COL15A1: variants seen among roughly 807,000 people sequenced by gnomAD.
The protein encoded by COL15A1 is collagen type XV alpha 1 chain.
In COL15A1, 111 loss-of-function variants were observed where a neutral mutation model predicts 165.9. The observed-to-expected ratio is 0.67, with a 90% CI of 0.57 to 0.78. The LOEUF is 0.78. Ranked by LOEUF, COL15A1 falls within the 30% of genes least tolerant of loss-of-function variation. The pLI is 0.00. For missense variants in COL15A1, 1,745 were observed against 1,789.7 expected, an observed-to-expected ratio of 0.98 and a Z score of 0.45; for synonymous variants, 659 against 674.8, an observed-to-expected ratio of 0.98 and a Z score of 0.36.
chr9:98,974,700 G>A lies in COL15A1; in HGVS notation c.101-10865G>A, dbSNP rs574647456. Among the ~76,000 whole-genome samples the A allele has an allele frequency of 2.6e-5, 4 of 152,280 alleles. No individual in the cohort carries two copies. In the East Asian group the frequency reaches 7.7e-4, roughly 29 times the overall value. The stretch of plus-strand genomic sequence containing the variant: ...CCTCATCCTACTGGTCCAGCCCCAG[G>A]CCACAGGCAGTATAGGGTCATCTGG... On this transcript the variant is annotated intron_variant, in intron 2 of 41. Transcript: ENST00000375001.
At chr9:99,017,466 T>C (rs1370600329) in intron 11 of COL15A1, among the ~76,000 whole-genome samples, 2 of 152,190 alleles carry the variant, frequency 1.3e-5, no homozygotes, top group South Asian at 4.1e-4. Flanking sequence ...TGACTTGTTG[T>C]AGGCCCTGGG....
At position 98,985,692 on chromosome 9, in the gene COL15A1, C is replaced by T. The variant is rs767388264; in HGVS notation, c.228C>T (p.Gly76=). 6.2e-7 allele frequency: 1 copy of T among 1,614,216 alleles called. No individual in the cohort carries two copies. Among genetic ancestry groups the T allele is most frequent in the South Asian group, 1.1e-5 (1 of 91,078 alleles). Residue 76 remains glycine (G), a synonymous_variant, in exon 3 of 42, where the codon GGC becomes GGT. Coordinates refer to ENST00000375001, the MANE Select transcript of COL15A1 (RefSeq NM_001855.5). ...AYSFGPGANV[G]RPARTLIPST... is the part of the protein sequence containing the mutation. ...GTTTCGGGCCTGGTGCCAATGTTGG[C>T]CGCCCAGCCAGGACTCTCATCCCAT...
chr9:98,960,194 G>C (rs999944762), intron 2 of COL15A1, among the ~76,000 whole-genome samples: 1 of 152,026 alleles, frequency 6.6e-6, no homozygotes, highest in South Asian at 2.1e-4. Context: ...GATTGCTTGA[G>C]GCCAGGAGTT....
intron 30 of COL15A1, among the ~76,000 whole-genome samples, chr9:99,050,701 T>TG (rs1839573830): frequency 6.6e-6 from 1 of 152,254 alleles, no homozygotes; most frequent in Non-Finnish European, 1.5e-5. Flanking sequence ...TGCCAGGCCC[T>TG]GGGGACACAA....
At chr9:99,037,988 C>G (rs1839333079) in intron 21 of COL15A1, among the ~76,000 whole-genome samples, 1 of 151,916 alleles carries the variant, frequency 6.6e-6, no homozygotes, top group African/African-American at 2.4e-5. Flanking sequence ...AGATCGCATG[C>G]ATTTAATATT....
At chr9:98,967,816 A>T (rs964236021) in intron 2 of COL15A1, among the ~76,000 whole-genome samples, 2 of 152,204 alleles carry the variant, frequency 1.3e-5, no homozygotes, top group Admixed American at 6.5e-5. Context: ...TTCAGGTAGT[A>T]GGATGCCATC....
intron 36 of COL15A1, 83 bp downstream of exon 36, chr9:99,060,036 AC>A: frequency 6.7e-7 from 1 of 1,482,958 alleles, no homozygotes; most frequent in South Asian, 1.2e-5. Flanking sequence ...CCTGTGTCTG[AC>A]ATCCCTTGGG....
intron 22 of COL15A1, 31 bp from the exon 23 acceptor site, chr9:99,040,490 T>A (rs751849184): frequency 1.2e-5 from 20 of 1,614,128 alleles, no homozygotes; most frequent in Admixed American, 1.7e-5. Flanking sequence ...CCGCTCCTAA[T>A]CCAGCGTGCT....
chr9:99,005,690 G>A (rs1042739436), intron 9 of COL15A1, among the ~76,000 whole-genome samples: 1 of 152,130 alleles, frequency 6.6e-6, no homozygotes, highest in African/African-American at 2.4e-5. Context: ...ATCCCATCAA[G>A]CATCAAGTCT....
chr9:98,973,265 A>G (rs1448640973), intron 2 of COL15A1, among the ~76,000 whole-genome samples: 1 of 152,156 alleles, frequency 6.6e-6, no homozygotes, highest in Non-Finnish European at 1.5e-5. Flanking sequence ...GGAGAGAGAG[A>G]GAGAGAGGGA....
At chr9:99,002,054 A>G (rs1838665246) in intron 7 of COL15A1, among the ~76,000 whole-genome samples, 1 of 151,148 alleles carries the variant, frequency 6.6e-6, no homozygotes. Context: ...TGCAGGACAA[A>G]TACCCCTCCC....
intron 15 of COL15A1, 136 bp from the exon 16 acceptor site, chr9:99,025,768 C>T: frequency 1.2e-6 from 1 of 847,984 alleles, no homozygotes; most frequent in Non-Finnish European, 2.0e-6. Flanking sequence ...GACTAGGTTC[C>T]TGCCTTGCAC....
At chr9:99,047,297 G>A (rs766688230) in intron 26 of COL15A1, among the ~76,000 whole-genome samples, 3 of 152,220 alleles carry the variant, frequency 2.0e-5, no homozygotes, top group Non-Finnish European at 2.9e-5. Flanking sequence ...TGGTTCCTAG[G>A]GGCAGGTTAG....
intron 35 of COL15A1, among the ~76,000 whole-genome samples, chr9:99,056,683 A>G (rs185690015): frequency 4.1e-4 from 63 of 152,276 alleles, no homozygotes; most frequent in Non-Finnish European, 2.1e-4. Context: ...GAAATTTCAT[A>G]CCAATTAGCA....
rs1411101259 is a variant in COL15A1, at chr9:99,026,177, C to T, written c.2043+211C>T. 4.6e-5 allele frequency among the ~76,000 whole-genome samples: 7 copies of T among 152,222 alleles called. No homozygotes were observed. The South Asian group carries it at 1.4e-3, about 32-fold the overall frequency. On this transcript the variant is annotated intron_variant, in intron 16 of 41. Coordinates refer to ENST00000375001, the MANE Select transcript of COL15A1 (RefSeq NM_001855.5). ...CTTCCCTGCCCACTCTTGTCTGCCC[C>T]TAGCTTCAGTGAATGGTGTTGCCAT...
intron 5 of COL15A1, 105 bp from the exon 6 acceptor site, chr9:98,996,829 T>C (rs1838553093): frequency 6.6e-7 from 1 of 1,523,750 alleles, no homozygotes; most frequent in African/African-American, 1.4e-5. Context: ...CCTTGGTTTA[T>C]TCAGCATCTT....
At chr9:98,972,429 C>T (rs1564019958) in intron 2 of COL15A1, among the ~76,000 whole-genome samples, 1 of 152,182 alleles carries the variant, frequency 6.6e-6, no homozygotes, top group Non-Finnish European at 1.5e-5. Context: ...GCCTACCTTA[C>T]CTAGTCCCAT....
intron 32 of COL15A1, among the ~76,000 whole-genome samples, 161 bp downstream of exon 32, chr9:99,054,817 T>A (rs77903571): frequency 0.021 from 3,187 of 152,302 alleles, 95 homozygotes; most frequent in African/African-American, 0.071. Flanking sequence ...GCCTGGCATG[T>A]CCAATAGGGA....
chr9:98,974,913 G>C (rs1838117954), intron 2 of COL15A1, among the ~76,000 whole-genome samples: 1 of 152,266 alleles, frequency 6.6e-6, no homozygotes, highest in Non-Finnish European at 1.5e-5. Flanking sequence ...AGGAGGGAAA[G>C]GAGGCGTTAT....
Sources: gnomAD v4.1 joint callset for allele counts (sites outside exome capture counted in the v4.1 genomes callset) on GRCh38, gnomAD v4.1.1 for gene constraint, MANE v1.5 for transcripts, NCBI Gene and HGNC (gene_info 2026-07-23, HGNC 2026-07-21) for gene names.